Variants in XKRX observed in about 807,000 individuals in gnomAD.
XKRX encodes the protein XK related X-linked.
XKRX carries 11 observed loss-of-function variants against 22.4 expected under a neutral mutation model. The ratio of observed to expected loss-of-function variants is 0.49; its 90% CI spans 0.31 to 0.81. The LOEUF (loss-of-function observed/expected upper bound fraction) is 0.81, where lower values mean the gene tolerates loss of function less well. XKRX is among the 40% of genes least tolerant of loss of function. The probability of loss-of-function intolerance (pLI) is 0.05; values close to 1 mark genes in which losing one functional copy is unlikely to be tolerated. For synonymous variants in XKRX, 114 were observed against 132.2 expected, an observed-to-expected ratio of 0.86 and a Z score of 0.94; for missense variants, 320 against 336.5, an observed-to-expected ratio of 0.95 and a Z score of 0.38.
the XKRX span, among the ~76,000 whole-genome samples, chrX:100,943,816 T>C: frequency 8.9e-6 from 1 of 112,386 alleles, no homozygotes; most frequent in South Asian, 3.7e-4. Flanking sequence ...TCATAGTTGA[T>C]GTATTCATTC....
chrX:100,897,066 A>G, the XKRX span, among the ~76,000 whole-genome samples: 1 of 111,355 alleles, frequency 9.0e-6, no homozygotes, highest in Admixed American at 9.6e-5. Flanking sequence ...ACTGCTTTCC[A>G]TAGTCTTAAT....
the XKRX span, chrX:100,956,586 G>C: frequency 1.1e-5 from 5 of 475,957 alleles, no homozygotes; most frequent in Non-Finnish European, 1.9e-5. Context: ...AGGAGGGTTA[G>C]ACTGGAGATA....
chrX:100,910,989 A>T (rs1569453474), downstream of XKRX: 5 of 562,031 alleles, frequency 8.9e-6, no homozygotes, highest in South Asian at 1.1e-4. Flanking sequence ...CTGGACAGAG[A>T]GGCACAATCT....
chrX:100,890,570 T>G, the XKRX span, among the ~76,000 whole-genome samples: 1 of 110,772 alleles, frequency 9.0e-6, no homozygotes, highest in Non-Finnish European at 1.9e-5. Context: ...GGTAACAGGA[T>G]CAACCTATCT....
chrX:100,954,284 T>A, the XKRX span, among the ~76,000 whole-genome samples: 24 of 110,892 alleles, frequency 2.2e-4, no homozygotes, highest in African/African-American at 6.6e-4. Context: ...CCAGGTGTGG[T>A]GGCAGGCACC....
chrX:100,900,891 G>A, the XKRX span, among the ~76,000 whole-genome samples: 1 of 104,975 alleles, frequency 9.5e-6, no homozygotes, highest in African/African-American at 3.5e-5. Context: ...CCGGGTTCAC[G>A]CCATTCTCCT....
the XKRX span, among the ~76,000 whole-genome samples, chrX:100,908,104 G>GGTGTGTGT: frequency 1.5e-4 from 1 of 6,812 alleles, no homozygotes; most frequent in Admixed American, 1.7e-3. Context: ...TTTCATGCAT[G>GGTGTGTGT]GAGTGTGTGT....
At chrX:100,939,727 C>T in the XKRX span, among the ~76,000 whole-genome samples, 21,416 of 111,651 alleles carry the variant, frequency 0.19, 1,611 homozygotes, top group Middle Eastern at 0.27. Context: ...TTTATTTCCA[C>T]TATCAGTCCC....
chrX:100,940,695 A>G, the XKRX span, among the ~76,000 whole-genome samples: 1 of 111,533 alleles, frequency 9.0e-6, no homozygotes, highest in Non-Finnish European at 1.9e-5. Context: ...CTGATTTCTT[A>G]GGCTCCAACC....
chrX:100,901,676 C>A, the XKRX span, among the ~76,000 whole-genome samples: 2 of 111,967 alleles, frequency 1.8e-5, no homozygotes, highest in African/African-American at 6.5e-5. Flanking sequence ...ATACATTCTG[C>A]CTAAGTGCAC....
At chrX:100,901,034 C>CAT in the XKRX span, among the ~76,000 whole-genome samples, 1 of 110,971 alleles carries the variant, frequency 9.0e-6, no homozygotes, top group Non-Finnish European at 1.9e-5. Context: ...TCGTGATCTG[C>CAT]CCGCCTTGGC....
At chrX:100,911,997 A>G (rs1475275746), downstream of XKRX, among the ~76,000 whole-genome samples, 2 of 111,704 alleles carry the variant, frequency 1.8e-5, no homozygotes, top group Non-Finnish European at 3.8e-5. Flanking sequence ...TGCCCTGTGT[A>G]GCGTCATTTT....
At chrX:100,940,181 T>A in the XKRX span, among the ~76,000 whole-genome samples, 1 of 111,830 alleles carries the variant, frequency 8.9e-6, no homozygotes, top group African/African-American at 3.2e-5. Flanking sequence ...CCCTTTATGA[T>A]CTAATTTAAC....
chrX:100,899,488 C>G, the XKRX span, among the ~76,000 whole-genome samples: 1 of 112,575 alleles, frequency 8.9e-6, no homozygotes, highest in Non-Finnish European at 1.9e-5. Flanking sequence ...GCACTCCAGC[C>G]TGGGTGACAG....
rs192409781 is a variant in XKRX, at chrX:100,923,947, C to T, written c.336-886G>A. Among the ~76,000 whole-genome samples the T allele has an allele frequency of 2.8e-5, 3 of 105,646 alleles. No homozygotes were observed. In the Admixed American group the frequency reaches 3.1e-4, roughly 11 times the overall value. The allele number at this position is 105,646 out of a possible 115,157, so 91.7% of individuals were successfully genotyped here. On this transcript the variant is annotated intron_variant, in intron 1 of 2. Transcript: ENST00000372956. ...TGCCTCCTGGGTTCAAGCGATTCTC[C>T]TGCCTCAGCCTCCTGAGTAGCTGGG...
the XKRX span, among the ~76,000 whole-genome samples, chrX:100,941,375 C>T: frequency 4.5e-5 from 5 of 111,102 alleles, no homozygotes; most frequent in Non-Finnish European, 9.4e-5. Context: ...ATAGTGAAAC[C>T]CCGTCTCTAT....
chrX:100,901,361 T>C, the XKRX span, among the ~76,000 whole-genome samples: 2 of 111,825 alleles, frequency 1.8e-5, no homozygotes, highest in African/African-American at 6.5e-5. Context: ...GGAGTAGCTA[T>C]ATTAATTTCA....
chrX:100,918,624 T>A (rs2085456783), intron 2 of XKRX, among the ~76,000 whole-genome samples: 1 of 111,958 alleles, frequency 8.9e-6, no homozygotes, highest in African/African-American at 3.2e-5. Flanking sequence ...GGGAATATAC[T>A]TAAACTCTCA....
At chrX:100,955,731 T>C in the XKRX span, among the ~76,000 whole-genome samples, 2 of 112,049 alleles carry the variant, frequency 1.8e-5, no homozygotes, top group South Asian at 3.7e-4. Context: ...ATCCTCGATA[T>C]GAATGTTTAT....
Sources: allele counts gnomAD v4.1 joint callset (sites outside exome capture counted in the v4.1 genomes callset), GRCh38; gene constraint gnomAD v4.1.1; transcripts MANE v1.5; gene names NCBI Gene and HGNC (gene_info 2026-07-23, HGNC 2026-07-21).